The following RAB40A variants were observed in gnomAD, a reference collection of about 807,000 sequenced individuals.
The protein encoded by RAB40A is ras-related protein Rab-40A.
For synonymous variants in RAB40A, 65 were observed against 99.9 expected (o/e 0.65, Z 2.08); for missense variants, 145 against 230.2 (o/e 0.63, Z 2.40).
downstream of RAB40A, among the ~76,000 whole-genome samples, chrX:103,498,871 C>T (rs768624346): frequency 5.9e-4 from 66 of 112,417 alleles, no homozygotes; most frequent in Non-Finnish European, 9.2e-4. Context: ...AAAGTAACTA[C>T]GTGGAAACCA....
At position 103,506,136 on chromosome X, in the gene RAB40A, A is replaced by T. The variant is rs183325878; in HGVS notation, c.-70-5310T>A. The stretch of plus-strand genomic sequence containing the variant: ...GTTTCTTTAGATCTCAATTAAAAAA[A>T]TTTTTAATAGCTTCAGGAGTACAAG... On this transcript the variant is annotated intron_variant, in intron 2 of 2. Coordinates refer to ENST00000304236, the MANE Select transcript of RAB40A (RefSeq NM_080879.3). Among the ~76,000 whole-genome samples, 646 of 111,685 alleles carry T rather than the reference A, an allele frequency of 5.8e-3. 10 individuals carry two copies. The highest frequency in any genetic ancestry group is 8.9e-3 in the Non-Finnish European group (475 of 53,145).
chrX:103,509,716 C>A (rs915860417), intron 2 of RAB40A, among the ~76,000 whole-genome samples: 2 of 104,809 alleles, frequency 1.9e-5, no homozygotes, highest in Admixed American at 1.1e-4. Context: ...TGAAGATGCT[C>A]TCCAAGGTCA....
chrX:103,510,406 T>C (rs2073282948), intron 2 of RAB40A, among the ~76,000 whole-genome samples: 1 of 112,386 alleles, frequency 8.9e-6, no homozygotes, highest in Non-Finnish European at 1.9e-5. Flanking sequence ...TTTTTATTTC[T>C]TTTTCTCTAT....
At chrX:103,496,983 C>T (rs911302567), downstream of RAB40A, among the ~76,000 whole-genome samples, 11 of 110,860 alleles carry the variant, frequency 9.9e-5, no homozygotes, top group African/African-American at 2.0e-4. Context: ...CAGAGGGGTG[C>T]GGGAACAAAG....
Position 103,500,684 on chromosome X carries a change from C to T in RAB40A, c.73G>A (p.Val25Ile), listed in dbSNP as rs2073221554. 2 of 1,210,978 alleles carry T rather than the reference C, an allele frequency of 1.7e-6. No homozygotes were observed. The highest frequency in any genetic ancestry group is 1.1e-6 in the Non-Finnish European group (1 of 895,329). ...CTCTCCAGGATCTCACTCTTGCCTA[C>T]GTCCCTGTCGCCCACCAGCAGGAAC... ...LKFLLVGDRD[V>I]GKSEILESLQ... The change falls in exon 3 of 3, where the codon GTA (valine) becomes ATA (isoleucine). Residue 25 changes from valine (V) to isoleucine (I), a missense_variant. Transcript: ENST00000304236.
At chrX:103,517,943 A>G (rs1298713637) in intron 1 of RAB40A, among the ~76,000 whole-genome samples, 1 of 112,156 alleles carries the variant, frequency 8.9e-6, no homozygotes, top group East Asian at 2.8e-4. Flanking sequence ...GTGCAGAAAA[A>G]TGTGTAGAGC....
chrX:103,498,870 A>G (rs1231415342), downstream of RAB40A, among the ~76,000 whole-genome samples: 1 of 112,520 alleles, frequency 8.9e-6, no homozygotes, highest in Non-Finnish European at 1.9e-5. Context: ...GAAAGTAACT[A>G]CGTGGAAACC....
Position 103,499,981 on chromosome X carries a change from A to G in RAB40A, c.776T>C (p.Val259Ala). The G allele has an allele frequency of 8.3e-7, 1 of 1,209,265 alleles. No homozygotes were observed. The highest frequency in any genetic ancestry group is 1.1e-6 in the Non-Finnish European group (1 of 893,071). The change falls in exon 3 of 3, where the codon GTC becomes GCC. Residue 259 changes from valine to alanine, a missense_variant. Val to Ala is a moderately conservative substitution (Grantham distance 64). Coordinates refer to ENST00000304236, the MANE Select transcript of RAB40A (RefSeq NM_080879.3). ...TTTGGGTGGGCTCTGGGGTGGGCAG[A>G]CGATCTCCACTTTGCAGAGGCTGCT... Reference protein sequence around the residue: ...HKSSLCKVEIVCPPQSPPKNC... With the variant: ...HKSSLCKVEIACPPQSPPKNC...
chrX:103,494,552 T>G (rs2073152421), downstream of RAB40A, among the ~76,000 whole-genome samples: 1 of 112,339 alleles, frequency 8.9e-6, no homozygotes, highest in Non-Finnish European at 1.9e-5. Context: ...AGTTTCATAG[T>G]TTGAAGTCTT....
intron 1 of RAB40A, among the ~76,000 whole-genome samples, chrX:103,517,780 T>C (rs1371842122): frequency 1.8e-5 from 2 of 111,713 alleles, no homozygotes; most frequent in Non-Finnish European, 3.8e-5. Flanking sequence ...AGACTGGAAA[T>C]AAGACAGATG....
chrX:103,512,784 A>G (rs1758848397), intron 2 of RAB40A, among the ~76,000 whole-genome samples: 1 of 112,042 alleles, frequency 8.9e-6, no homozygotes, highest in Non-Finnish European at 1.9e-5. Flanking sequence ...TTTGCATAAT[A>G]TAACTTCTGA....
chrX:103,509,583 CCT>C (rs1417237490), intron 2 of RAB40A, among the ~76,000 whole-genome samples: 4 of 82,924 alleles, frequency 4.8e-5, no homozygotes, highest in Non-Finnish European at 6.9e-5. Context: ...TCCTTCCCTT[CCT>C]CTCTCTTTTC....
Position 103,499,832 on chromosome X carries a change from T to C in RAB40A, c.*91A>G. The C allele has an allele frequency of 3.7e-6, 4 of 1,078,489 alleles. No homozygotes were observed. Among genetic ancestry groups the C allele is most frequent in the Non-Finnish European group, 5.2e-6 (4 of 776,244 alleles). The allele number at this position is 1,078,489 out of a possible 1,213,427, so 88.9% of individuals were successfully genotyped here. On this transcript the variant is annotated 3_prime_UTR_variant, in exon 3 of 3. Coordinates refer to ENST00000304236, the MANE Select transcript of RAB40A (RefSeq NM_080879.3). The stretch of plus-strand genomic sequence containing the variant: ...GTTCCCGTGAGAAACTGAAAACTAA[T>C]TTCTTGAATCTACAATGCGACTTCC...
chrX:103,498,606 G>T (rs186088242), downstream of RAB40A, among the ~76,000 whole-genome samples: 5 of 111,940 alleles, frequency 4.5e-5, no homozygotes, highest in East Asian at 1.4e-3. Flanking sequence ...GCTACAGGAT[G>T]GTGTAGAGAT....
In RAB40A at chrX:103,500,042, G is replaced by C. The variant is rs748797927; in HGVS notation, c.715C>G (p.Leu239Val). 2 of 1,211,868 alleles carry C rather than the reference G, an allele frequency of 1.7e-6. No homozygotes were observed. The highest frequency in any genetic ancestry group is 4.3e-5 in the Admixed American group (2 of 46,098). ...GAGCTGGTGGTGAGGGAGTAGGAGA[G>C]GCCTCGCATCATCCTGGCATTCAGG... The part of the protein sequence containing the change: ...KGLNARMMRG[L>V]SYSLTTSSTH... The change falls in exon 3 of 3, where the codon CTC becomes GTC. Residue 239 changes from leucine to valine, a missense_variant. Leu to Val is a conservative substitution (Grantham distance 32, BLOSUM62 1). Coordinates refer to ENST00000304236, the MANE Select transcript of RAB40A (RefSeq NM_080879.3).
chrX:103,515,119 G>C (rs1320512995), intron 2 of RAB40A, among the ~76,000 whole-genome samples: 1 of 112,145 alleles, frequency 8.9e-6, no homozygotes, highest in Non-Finnish European at 1.9e-5. Context: ...TCCAGCTCAG[G>C]GAAAGTGTCT....
At chrX:103,505,132 G>T (rs936292808) in intron 2 of RAB40A, among the ~76,000 whole-genome samples, 5 of 111,523 alleles carry the variant, frequency 4.5e-5, no homozygotes, top group Non-Finnish European at 7.5e-5. Context: ...TTTTGTTTCT[G>T]CTTTGTTTTG....
intron 2 of RAB40A, among the ~76,000 whole-genome samples, chrX:103,508,787 TG>T (rs2073270378): frequency 8.9e-6 from 1 of 112,091 alleles, no homozygotes; most frequent in Non-Finnish European, 1.9e-5. Context: ...TGAACTCACC[TG>T]GTGAGCTCCA....
rs1456728428 is a variant in RAB40A at position 103,499,552 on chromosome X, T to A, written c.*371A>T. 1 of 258,272 alleles carries A rather than the reference T, an allele frequency of 3.9e-6. No homozygotes were observed. The highest frequency in any genetic ancestry group is 9.9e-5 in the East Asian group (1 of 10,132). The allele number at this position is 258,272 out of a possible 1,213,427, so 21.3% of individuals were successfully genotyped here. A position where few individuals can be genotyped will look rare whatever the true frequency, so the allele number is the denominator to read the frequency against. ...ACTATCATTGCTTCTCAAATTTCCT[T>A]GAATTTATACTCATCATTGCCATAT... On this transcript the variant is annotated 3_prime_UTR_variant, in exon 3 of 3. Transcript: ENST00000304236.
Sources: gnomAD v4.1 joint callset for allele counts (sites outside exome capture counted in the v4.1 genomes callset) on GRCh38, gnomAD v4.1.1 for gene constraint, MANE v1.5 for transcripts, NCBI Gene and HGNC (gene_info 2026-07-23, HGNC 2026-07-21) for gene names.